The following TRIM65 variants were observed in gnomAD, a reference collection of about 807,000 sequenced individuals.
The protein encoded by TRIM65 is E3 ubiquitin-protein ligase TRIM65.
In TRIM65, 46 loss-of-function variants were observed where a neutral mutation model predicts 36.1. The ratio of observed to expected loss-of-function variants is 1.27; its 90% CI spans 1.01 to 1.63. The LOEUF is 1.63. TRIM65 is among the 40% of genes most tolerant of loss of function. The pLI is 0.00. For synonymous variants in TRIM65, 346 were observed against 313.6 expected (o/e 1.10, Z -1.09); for missense variants, 708 against 696.6 (o/e 1.02, Z -0.18).
downstream of TRIM65, among the ~76,000 whole-genome samples, chr17:75,887,906 A>T (rs1388839465): frequency 6.6e-6 from 1 of 152,172 alleles, no homozygotes; most frequent in Non-Finnish European, 1.5e-5. Flanking sequence ...CTGTAATCCC[A>T]GCACTTTGAG....
At chr17:75,887,877 C>T (rs184063669), downstream of TRIM65, among the ~76,000 whole-genome samples, 73 of 152,132 alleles carry the variant, frequency 4.8e-4, no homozygotes, top group East Asian at 0.013. Flanking sequence ...AAAATTACGC[C>T]GGGCGTGGTG....
chr17:75,886,366 C>CA (rs2065206996), downstream of TRIM65, among the ~76,000 whole-genome samples: 2 of 151,800 alleles, frequency 1.3e-5, no homozygotes, highest in African/African-American at 4.8e-5. Flanking sequence ...ACTAAAAATA[C>CA]AAAAAACTAG....
downstream of TRIM65, among the ~76,000 whole-genome samples, chr17:75,879,973 C>A (rs143083852): frequency 0.015 from 2,268 of 150,550 alleles, 50 homozygotes; most frequent in Middle Eastern, 0.054. Flanking sequence ...AAGCTGGTCT[C>A]GAACTGCTGA....
At position 75,892,858 on chromosome 17, in the gene TRIM65, G is replaced by A. The variant is rs1567846031; in HGVS notation, c.415-8C>T. ...GCTGGCTCTCAGCTGGGCCTGTGGT[G>A]CGGGCCCACGGGACAAGCAACAAGA... On this transcript the variant is annotated splice_region_variant and splice_polypyrimidine_tract_variant and intron_variant, in intron 1 of 5. Transcript: ENST00000269383. 2 of 1,600,044 alleles carry A rather than the reference G, an allele frequency of 1.2e-6. No homozygotes were observed. The highest frequency in any genetic ancestry group is 1.7e-4 in the Middle Eastern group (1 of 6,046).
At position 75,892,346 on chromosome 17, in the gene TRIM65, A is replaced by C. The variant is rs7222757; in HGVS notation, c.665T>G (p.Val222Gly). 0.31 allele frequency: 497,090 copies of C among 1,612,046 alleles called. 84,954 individuals carry two copies. The highest frequency in any genetic ancestry group is 0.74 in the African/African-American group (55,106 of 74,868). The change falls in exon 3 of 6, where the codon GTC (valine) becomes GGC (glycine). Residue 222 changes from valine (V) to glycine (G), a missense_variant. Coordinates refer to ENST00000269383, the MANE Select transcript of TRIM65 (RefSeq NM_173547.4). ...ATGGCGAGCCACAGCCTCCAAATGG[A>C]CCCGCAGCCGCTGCTCCTCGTCTCG... is the stretch of plus-strand genomic sequence containing the variant. The part of the protein sequence containing the change: ...QARDEEQRLR[V>G]HLEAVARHGC...
chr17:75,892,311 TCCTGCAGCCATGGCGAG>T lies in TRIM65; in HGVS notation c.683_699del (p.Ala228AspfsTer10). On this transcript the variant is annotated frameshift_variant, in exon 3 of 6. Transcript: ENST00000269383. LOFTEE classifies it high-confidence loss of function. ...TCCACCTGCTCCAGGAGCTCCCGGATCCTGCAGCCATGGCGAGCCACAGCCTCCAAATGGACCCGCAG... is the reference window on the plus strand; with the variant it reads ...TCCACCTGCTCCAGGAGCTCCCGGATCCACAGCCTCCAAATGGACCCGCAG... 1 of 1,612,682 alleles carries T rather than the reference TCCTGCAGCCATGGCGAG, an allele frequency of 6.2e-7. No homozygotes were observed. The highest frequency in any genetic ancestry group is 8.5e-7 in the Non-Finnish European group (1 of 1,179,888).
chr17:75,890,768 C>G lies in TRIM65; in HGVS notation c.*11G>C, dbSNP rs908672591. ...GTGGCAGCTATGCCAGGGCTCCATCCCATGCCTTCTTCAGCTGAGCACCTC... is the reference window on the plus strand; with the variant it reads ...GTGGCAGCTATGCCAGGGCTCCATCGCATGCCTTCTTCAGCTGAGCACCTC... On this transcript the variant is annotated 3_prime_UTR_variant, in exon 6 of 6. Coordinates refer to ENST00000269383, the MANE Select transcript of TRIM65 (RefSeq NM_173547.4). 1 of 1,457,420 alleles carries G rather than the reference C, an allele frequency of 6.9e-7. No individual in the cohort carries two copies. The highest frequency in any genetic ancestry group is 9.0e-7 in the Non-Finnish European group (1 of 1,105,306). The allele number at this position is 1,457,420 out of a possible 1,614,324, so 90.3% of individuals were successfully genotyped here.
At chr17:75,884,232 C>G (rs1005681728), downstream of TRIM65, among the ~76,000 whole-genome samples, 1 of 152,030 alleles carries the variant, frequency 6.6e-6, no homozygotes, top group Admixed American at 6.6e-5. Context: ...CCGAGGCGGG[C>G]GGGTCACCTG....
downstream of TRIM65, chr17:75,880,267 G>A (rs1321355991): frequency 6.7e-6 from 1 of 150,020 alleles, no homozygotes; most frequent in Non-Finnish European, 1.5e-5. Context: ...GCTTGTAGCT[G>A]TAAGATGCGC....
In TRIM65 at chr17:75,891,086, A is replaced by C; in HGVS notation, c.1247T>G (p.Ile416Ser). Residue 416 changes from isoleucine (I) to serine (S), a missense_variant, in exon 6 of 6, where the codon ATT (isoleucine) becomes AGT (serine). Coordinates refer to ENST00000269383, the MANE Select transcript of TRIM65 (RefSeq NM_173547.4). The part of the protein sequence containing the change: ...RCRLGPHTDN[I>S]GRGPCSWGLC... ...CCCCCAGGAGCAGGGTCCCCGGCCA[A>C]TGTTGTCTGTGTGGGGCCCCAGCCT... 1 of 1,611,132 alleles carries C rather than the reference A, an allele frequency of 6.2e-7. No individual in the cohort carries two copies. The highest frequency in any genetic ancestry group is 8.5e-7 in the Non-Finnish European group (1 of 1,179,838).
At chr17:75,880,789 C>A (rs992491904) in intron 4 of TRIM65, among the ~76,000 whole-genome samples, 1 of 150,160 alleles carries the variant, frequency 6.7e-6, no homozygotes, top group African/African-American at 2.5e-5. Context: ...CACACCCAAA[C>A]CCTTGTCCAC....
Position 75,890,806 on chromosome 17 carries a change from C to A in TRIM65, c.1527G>T (p.Leu509=). The change falls in exon 6 of 6, where the codon CTG becomes CTT. Residue 509 remains leucine (L), a synonymous_variant. Transcript: ENST00000269383. ...AGCTGAGCACCTCTTCCTGGGGCCC[C>A]AGAGGGAACACAGCCCCTGGCTGAT... is the stretch of plus-strand genomic sequence containing the variant. The part of the protein sequence containing the change: ...LCHQPGAVFP[L]GPQEEVLS The A allele has an allele frequency of 6.7e-7, 1 of 1,501,000 alleles. No homozygotes were observed. Among genetic ancestry groups the A allele is most frequent in the East Asian group, 2.4e-5 (1 of 41,474 alleles). 93.0% of individuals were successfully genotyped at this position (1,501,000 alleles called of 1,614,324 possible). A position where few individuals can be genotyped will look rare whatever the true frequency, so the allele number is the denominator to read the frequency against.
chr17:75,889,035 T>C lies in TRIM65; in HGVS notation c.*1744A>G, dbSNP rs964408800. 6.6e-6 allele frequency: 1 copy of C among 151,586 alleles called. No homozygotes were observed. The highest frequency in any genetic ancestry group is 1.5e-5 in the Non-Finnish European group (1 of 67,922). The allele number at this position is 151,586 out of a possible 1,614,324, so 9.4% of individuals were successfully genotyped here. A position where few individuals can be genotyped will look rare whatever the true frequency, so the allele number is the denominator to read the frequency against. ...AACATAGATGTCCAGTTTTTCAAGT[T>C]ACAAAAAGCAGACAGCCCTCCCTTT... On this transcript the variant is annotated 3_prime_UTR_variant, in exon 6 of 6. Transcript: ENST00000269383.
intron 4 of TRIM65, among the ~76,000 whole-genome samples, chr17:75,883,871 A>G (rs1160215130): frequency 6.6e-6 from 1 of 152,140 alleles, no homozygotes; most frequent in Non-Finnish European, 1.5e-5. Context: ...TGTCAAATGA[A>G]TATATTTATA....
At position 75,892,374 on chromosome 17, in the gene TRIM65, C is replaced by T. The variant is rs1448367442; in HGVS notation, c.637G>A (p.Ala213Thr). ...CGCAGCCGCTGCTCCTCGTCTCGAG[C>T]CTGTGCCAGCGCCTGCGTCTTGGCC... is the stretch of plus-strand genomic sequence containing the variant. ...EVAKTQALAQARDEEQRLRVH... is the reference protein window; with the variant it reads ...EVAKTQALAQTRDEEQRLRVH... The change falls in exon 3 of 6, where the codon GCT becomes ACT. Residue 213 changes from alanine to threonine, a missense_variant. Coordinates refer to ENST00000269383, the MANE Select transcript of TRIM65 (RefSeq NM_173547.4). 6 of 1,613,788 alleles carry T rather than the reference C, an allele frequency of 3.7e-6. No individual in the cohort carries two copies. In the South Asian group the frequency reaches 6.6e-5, roughly 18 times the overall value.
Position 75,892,352 on chromosome 17 carries a change from A to G in TRIM65, c.659T>C (p.Leu220Pro). The change falls in exon 3 of 6, where the codon CTG becomes CCG. Residue 220 changes from leucine (L) to proline (P), a missense_variant. Physicochemically the swap from Leu to Pro is moderately conservative, Grantham distance 98. Coordinates refer to ENST00000269383, the MANE Select transcript of TRIM65 (RefSeq NM_173547.4). Reference sequence around the variant, plus strand: ...AGCCACAGCCTCCAAATGGACCCGCAGCCGCTGCTCCTCGTCTCGAGCCTG... The same window carrying G: ...AGCCACAGCCTCCAAATGGACCCGCGGCCGCTGCTCCTCGTCTCGAGCCTG... ...LAQARDEEQR[L>P]RVHLEAVARH... 1 of 1,613,330 alleles carries G rather than the reference A, an allele frequency of 6.2e-7. No homozygotes were observed. The highest frequency in any genetic ancestry group is 8.5e-7 in the Non-Finnish European group (1 of 1,179,950).
At chr17:75,880,212 C>G (rs1347714442), downstream of TRIM65, 1 of 150,828 alleles carries the variant, frequency 6.6e-6, no homozygotes, top group Non-Finnish European at 1.5e-5. Flanking sequence ...TCCTGGGCGT[C>G]TGTCCCAGCT....
At chr17:75,884,443 G>A (rs533642734), downstream of TRIM65, among the ~76,000 whole-genome samples, 24 of 151,898 alleles carry the variant, frequency 1.6e-4, no homozygotes, top group Admixed American at 5.2e-4. Context: ...TGGGCAACAA[G>A]AGCGAAACTC....
chr17:75,890,993 G>A lies in TRIM65; in HGVS notation c.1340C>T (p.Ser447Leu). The change falls in exon 6 of 6, where the codon TCA becomes TTA. Residue 447 changes from serine to leucine, a missense_variant. Ser to Leu is a moderately radical substitution (Grantham distance 145). Coordinates refer to ENST00000269383, the MANE Select transcript of TRIM65 (RefSeq NM_173547.4). Reference protein sequence around the residue: ...NGEAQRLPGVSGRLLGMDLDL... With the variant: ...NGEAQRLPGVLGRLLGMDLDL... The stretch of plus-strand genomic sequence containing the variant: ...CAAATCCATGCCCAGGAGCCGCCCT[G>A]ACACCCCTGGGAGGCGCTGGGCTTC... 6.3e-7 allele frequency: 1 copy of A among 1,587,294 alleles called. No individual in the cohort carries two copies. The highest frequency in any genetic ancestry group is 8.6e-7 in the Non-Finnish European group (1 of 1,167,520).
Sources: gnomAD v4.1 joint callset for allele counts (sites outside exome capture counted in the v4.1 genomes callset) on GRCh38, gnomAD v4.1.1 for gene constraint, MANE v1.5 for transcripts, NCBI Gene and HGNC (gene_info 2026-07-23, HGNC 2026-07-21) for gene names.